CCNY: variants seen among roughly 807,000 people sequenced by gnomAD.
CCNY encodes cyclin Y, also known as cyclin-Y.
Under a neutral mutation model 42.8 loss-of-function variants are expected in CCNY, and 19 were observed. That is an observed-to-expected ratio of 0.44 (90% CI 0.31 to 0.65). CCNY has a LOEUF of 0.65. CCNY is among the 30% of genes least tolerant of loss of function. The pLI is 0.07. For synonymous variants in CCNY, 165 were observed against 162.7 expected (o/e 1.01, Z -0.11); for missense variants, 370 against 437.3 (o/e 0.85, Z 1.37).
At chr10:35,269,951 C>G (rs1376796967) in intron 3 of CCNY, among the ~76,000 whole-genome samples, 1 of 152,154 alleles carries the variant, frequency 6.6e-6, no homozygotes, top group Non-Finnish European at 1.5e-5. Flanking sequence ...CTACAAAGTA[C>G]TAGAACATGA....
intron 3 of CCNY, among the ~76,000 whole-genome samples, chr10:35,307,325 C>G (rs768045591): frequency 6.6e-6 from 1 of 152,176 alleles, no homozygotes; most frequent in African/African-American, 2.4e-5. Flanking sequence ...GAAAGAATTA[C>G]AAAAAAGAGT....
intron 2 of CCNY, among the ~76,000 whole-genome samples, chr10:35,497,490 C>A (rs992724913): frequency 6.6e-6 from 1 of 152,150 alleles, no homozygotes; most frequent in Non-Finnish European, 1.5e-5. Context: ...GTAATCCCAG[C>A]GCTTTGGGAG....
At chr10:35,540,884 T>C (rs1840985617) in intron 7 of CCNY, among the ~76,000 whole-genome samples, 1 of 152,232 alleles carries the variant, frequency 6.6e-6, no homozygotes, top group African/African-American at 2.4e-5. Flanking sequence ...TTTCTGATTT[T>C]ACTTATTTGA....
At chr10:35,563,580 C>T (rs986032259) in intron 8 of CCNY, among the ~76,000 whole-genome samples, 1 of 152,126 alleles carries the variant, frequency 6.6e-6, no homozygotes, top group South Asian at 2.1e-4. Context: ...CTGACGCTTT[C>T]GTTTTGTTGA....
intron 1 of CCNY, among the ~76,000 whole-genome samples, chr10:35,344,413 TG>T (rs34085374): frequency 0.29 from 43,734 of 152,040 alleles, 6,583 homozygotes; most frequent in Admixed American, 0.35. Flanking sequence ...TGCCTTGGGC[TG>T]GGCGCCGTGG....
chr10:35,327,906 T>A (rs1474698509), intron 3 of CCNY: 1 of 152,238 alleles, frequency 6.6e-6, no homozygotes, highest in Non-Finnish European at 1.5e-5. Context: ...CTCTCACTGG[T>A]CCTTTCTCTC....
At position 35,569,728 on chromosome 10, in the gene CCNY, A is replaced by G. The variant is rs1329263695; in HGVS notation, c.*558A>G. The G allele has an allele frequency of 6.4e-6, 1 of 156,114 alleles. No homozygotes were observed. The highest frequency in any genetic ancestry group is 1.4e-5 in the Non-Finnish European group (1 of 70,062). The allele number at this position is 156,114 out of a possible 1,614,324, so 9.7% of individuals were successfully genotyped here. On this transcript the variant is annotated 3_prime_UTR_variant, in exon 10 of 10. Coordinates refer to ENST00000374704, the MANE Select transcript of CCNY (RefSeq NM_145012.6). ...GACTTCCAAATAAATAGTACTGGTC[A>G]TTTCTCTCTGCACTATTTCTGCGCG...
intron 1 of CCNY, among the ~76,000 whole-genome samples, chr10:35,423,831 C>T (rs1361883133): frequency 6.6e-6 from 1 of 152,178 alleles, no homozygotes; most frequent in Non-Finnish European, 1.5e-5. Flanking sequence ...CTCCTATAAG[C>T]TTACAATTAT....
intron 1 of CCNY, among the ~76,000 whole-genome samples, chr10:35,469,166 C>T (rs1023970060): frequency 1.3e-5 from 2 of 152,138 alleles, no homozygotes; most frequent in Admixed American, 6.5e-5. Context: ...AACTGGATAG[C>T]CCCTGTCCTG....
intron 1 of CCNY, among the ~76,000 whole-genome samples, chr10:35,449,382 G>A (rs1007827982): frequency 1.1e-4 from 16 of 152,100 alleles, no homozygotes; most frequent in Admixed American, 3.9e-4. Context: ...GGACTGAGAT[G>A]TGGCCATTGA....
At chr10:35,477,737 A>T (rs886846445) in intron 1 of CCNY, among the ~76,000 whole-genome samples, 2 of 152,094 alleles carry the variant, frequency 1.3e-5, no homozygotes, top group Non-Finnish European at 2.9e-5. Flanking sequence ...CAAGACAGGG[A>T]TGCCCTCTCT....
At chr10:35,457,959 C>T (rs1277385388) in intron 1 of CCNY, among the ~76,000 whole-genome samples, 3 of 152,228 alleles carry the variant, frequency 2.0e-5, no homozygotes, top group South Asian at 2.1e-4. Flanking sequence ...AATTTTTTTC[C>T]TTCTGTTGTT....
At chr10:35,495,250 A>G (rs961620717) in intron 2 of CCNY, among the ~76,000 whole-genome samples, 3 of 152,172 alleles carry the variant, frequency 2.0e-5, no homozygotes, top group African/African-American at 4.8e-5. Context: ...TGTATTTTCC[A>G]AATTTTCTGC....
intron 3 of CCNY, among the ~76,000 whole-genome samples, chr10:35,276,454 T>C (rs1320230034): frequency 1.3e-5 from 2 of 152,170 alleles, no homozygotes; most frequent in African/African-American, 4.8e-5. Context: ...GGCATAATCA[T>C]AGCTCACCAC....
chr10:35,490,709 A>G (rs1367855282), intron 2 of CCNY, among the ~76,000 whole-genome samples: 3 of 152,252 alleles, frequency 2.0e-5, no homozygotes, highest in Non-Finnish European at 4.4e-5. Flanking sequence ...GTTGTGCCAC[A>G]GGAGGCTGGC....
intron 7 of CCNY, among the ~76,000 whole-genome samples, chr10:35,542,971 G>A (rs1052030772): frequency 2.0e-5 from 3 of 152,166 alleles, no homozygotes. Flanking sequence ...AAAGTTAAAG[G>A]CAAGTGCAAT....
chr10:35,464,563 C>CTT (rs113364772), intron 1 of CCNY, among the ~76,000 whole-genome samples: 6 of 143,826 alleles, frequency 4.2e-5, no homozygotes, highest in East Asian at 2.0e-4. Flanking sequence ...GCCCAGTATG[C>CTT]TTTTTTTTTT....
rs138395841 is a variant in CCNY at position 35,272,231 on chromosome 10, C to T, written c.-9+21605C>T. Among the ~76,000 whole-genome samples the T allele has an allele frequency of 5.4e-3, 820 of 151,858 alleles. 11 individuals are homozygous for T. Among genetic ancestry groups the T allele is most frequent in the African/African-American group, 0.019 (774 of 41,428 alleles). Reference sequence around the variant, plus strand: ...CAAACTCCTGACCTCAGGTGATCTGCCTGCCTCGGCCTCCCAAAGTGCTGG... The same window carrying T: ...CAAACTCCTGACCTCAGGTGATCTGTCTGCCTCGGCCTCCCAAAGTGCTGG... On this transcript the variant is annotated intron_variant, in intron 3 of 11. Transcript: ENST00000374706.
chr10:35,564,518 T>C (rs544260165), intron 8 of CCNY, among the ~76,000 whole-genome samples: 5 of 152,128 alleles, frequency 3.3e-5, no homozygotes, highest in African/African-American at 1.2e-4. Context: ...GGAACAGCCA[T>C]AGGGGTCTCG....
Sources: allele counts gnomAD v4.1 joint callset (sites outside exome capture counted in the v4.1 genomes callset), GRCh38; gene constraint gnomAD v4.1.1; transcripts MANE v1.5; gene names NCBI Gene and HGNC (gene_info 2026-07-23, HGNC 2026-07-21).